PTPRR: variants seen among roughly 807,000 people sequenced by gnomAD.
PTPRR encodes the protein receptor-type tyrosine-protein phosphatase R.
A neutral mutation model predicts 77.2 loss-of-function variants in PTPRR; 38 were observed. The ratio of observed to expected loss-of-function variants is 0.49; its 90% CI spans 0.38 to 0.65. The LOEUF is 0.65. Among genes scored for constraint, PTPRR ranks in the 30% least tolerant of loss-of-function variants. PTPRR has a pLI of 0.00. For missense variants in PTPRR, 744 were observed against 799.2 expected, an observed-to-expected ratio of 0.93 and a Z score of 0.83; for synonymous variants, 299 against 283.1, an observed-to-expected ratio of 1.06 and a Z score of -0.57.
intron 2 of PTPRR, chr12:70,789,110 T>A (rs1299006054): frequency 2.3e-6 from 1 of 432,802 alleles, no homozygotes; most frequent in Non-Finnish European, 4.1e-6. Flanking sequence ...TCCATGGGAA[T>A]TAGCAAAACT....
intron 2 of PTPRR, among the ~76,000 whole-genome samples, chr12:70,854,474 G>A (rs1217713138): frequency 6.6e-6 from 1 of 152,222 alleles, no homozygotes; most frequent in Non-Finnish European, 1.5e-5. Flanking sequence ...AGTCTTCTGT[G>A]TCCAAAGAGG....
intron 13 of PTPRR, among the ~76,000 whole-genome samples, chr12:70,653,531 T>C (rs1016138331): frequency 2.8e-4 from 42 of 152,056 alleles, no homozygotes; most frequent in African/African-American, 9.7e-4. Context: ...ACATTTCAGG[T>C]TTAATGTCAT....
chr12:70,706,643 A>C (rs1244483198), intron 6 of PTPRR, among the ~76,000 whole-genome samples: 1 of 152,078 alleles, frequency 6.6e-6, no homozygotes, highest in South Asian at 2.1e-4. Context: ...AAGATGTCTG[A>C]CCTTTTATAT....
chr12:70,656,317 G>C (rs1201802912), intron 13 of PTPRR, among the ~76,000 whole-genome samples: 1 of 152,152 alleles, frequency 6.6e-6, no homozygotes, highest in Admixed American at 6.5e-5. Context: ...TTCACTTGTG[G>C]TCAGGAGTTG....
Position 70,638,690 on chromosome 12 carries a change from C to G in PTPRR, c.*494G>C, listed in dbSNP as rs1349488920. The G allele has an allele frequency of 6.6e-6, 1 of 152,348 alleles. No homozygotes were observed. The highest frequency in any genetic ancestry group is 1.9e-4 in the East Asian group (1 of 5,192). The allele number at this position is 152,348 out of a possible 1,614,324, so 9.4% of individuals were successfully genotyped here. ...AAAATCCATTATCAATCACTTGCAACTTTAGCAGCAAGATTCTGGTAACTG... is the reference window on the plus strand; with the variant it reads ...AAAATCCATTATCAATCACTTGCAAGTTTAGCAGCAAGATTCTGGTAACTG... On this transcript the variant is annotated 3_prime_UTR_variant, in exon 14 of 14. Coordinates refer to ENST00000283228, the MANE Select transcript of PTPRR (RefSeq NM_002849.4).
At chr12:70,889,241 T>C (rs1344632763) in intron 2 of PTPRR, among the ~76,000 whole-genome samples, 1 of 152,202 alleles carries the variant, frequency 6.6e-6, no homozygotes, top group Non-Finnish European at 1.5e-5. Flanking sequence ...CCAATTTGTC[T>C]ATTGAAAAAG....
chr12:70,821,388 C>G (rs543566761), intron 2 of PTPRR, among the ~76,000 whole-genome samples: 49 of 151,506 alleles, frequency 3.2e-4, no homozygotes, highest in African/African-American at 1.2e-3. Flanking sequence ...CCACGCCCAG[C>G]TAATTTTTTT....
intron 2 of PTPRR, among the ~76,000 whole-genome samples, chr12:70,830,428 CA>C (rs1483534460): frequency 1.3e-5 from 2 of 152,074 alleles, no homozygotes; most frequent in Non-Finnish European, 2.9e-5. Flanking sequence ...AAAGGCAGGG[CA>C]AAGGAGTATG....
At position 70,677,107 on chromosome 12, in the gene PTPRR, A is replaced by C. The variant is rs1592662951; in HGVS notation, c.1497+7020T>G. ...ACAATTTCCTTCATCAATGATTTATAGTTTTCAGTATAAAAGATATTTCAC... is the reference window on the plus strand; with the variant it reads ...ACAATTTCCTTCATCAATGATTTATCGTTTTCAGTATAAAAGATATTTCAC... On this transcript the variant is annotated intron_variant, in intron 10 of 13. Transcript: ENST00000283228. 3.3e-5 allele frequency among the ~76,000 whole-genome samples: 5 copies of C among 152,192 alleles called. 1 individual carries two copies. The highest frequency in any genetic ancestry group is 3.3e-4 in the Admixed American group (5 of 15,290).
intron 1 of PTPRR, among the ~76,000 whole-genome samples, chr12:70,905,186 A>G (rs1893602757): frequency 6.6e-6 from 1 of 151,674 alleles, no homozygotes; most frequent in Non-Finnish European, 1.5e-5. Flanking sequence ...TAGGGATGTT[A>G]ATGGGTTTGG....
intron 8 of PTPRR, among the ~76,000 whole-genome samples, chr12:70,694,148 T>C (rs1373172986): frequency 6.6e-6 from 1 of 152,232 alleles, no homozygotes; most frequent in Non-Finnish European, 1.5e-5. Context: ...GTTGCTTTAA[T>C]GAGTGGTTCA....
At chr12:70,899,274 A>AC (rs1396795388) in intron 1 of PTPRR, among the ~76,000 whole-genome samples, 2 of 151,468 alleles carry the variant, frequency 1.3e-5, no homozygotes, top group African/African-American at 2.4e-5. Context: ...CTAAAAAAAA[A>AC]CACTATAGAC....
At chr12:70,780,431 T>C (rs1320608628) in intron 2 of PTPRR, among the ~76,000 whole-genome samples, 1 of 152,168 alleles carries the variant, frequency 6.6e-6, no homozygotes, top group East Asian at 1.9e-4. Context: ...ATATAGTTAA[T>C]GCATATGATA....
At chr12:70,871,055 A>G (rs768572689) in intron 2 of PTPRR, among the ~76,000 whole-genome samples, 1 of 152,218 alleles carries the variant, frequency 6.6e-6, no homozygotes, top group Non-Finnish European at 1.5e-5. Context: ...CTCAGGAGCC[A>G]GGAAGGAAGG....
Position 70,796,276 on chromosome 12 carries a change from A to G in PTPRR, c.358-31498T>C, listed in dbSNP as rs895395987. ...AATCTGTCTTCCATTTCATTTGACT[A>G]CCCTGACATAGGCACAATAAAAGTG... On this transcript the variant is annotated intron_variant, in intron 2 of 13. Transcript: ENST00000283228. Among the ~76,000 whole-genome samples the G allele has an allele frequency of 6.2e-4, 94 of 151,694 alleles. 1 individual carries two copies. The highest frequency in any genetic ancestry group is 1.9e-3 in the African/African-American group (80 of 41,328).
chr12:70,805,551 G>C (rs1178453257), intron 2 of PTPRR, among the ~76,000 whole-genome samples: 1 of 152,106 alleles, frequency 6.6e-6, no homozygotes, highest in Admixed American at 6.6e-5. Context: ...TGCAGAGATA[G>C]AGTCTGCCTA....
At chr12:70,758,156 T>C (rs1890605547) in intron 4 of PTPRR, among the ~76,000 whole-genome samples, 1 of 152,258 alleles carries the variant, frequency 6.6e-6, no homozygotes, top group Non-Finnish European at 1.5e-5. Context: ...ATTCAAATAC[T>C]TCCTCATCTT....
At chr12:70,872,231 A>G (rs1247160775) in intron 2 of PTPRR, among the ~76,000 whole-genome samples, 2 of 152,138 alleles carry the variant, frequency 1.3e-5, no homozygotes, top group East Asian at 1.9e-4. Flanking sequence ...TTGTATTTCT[A>G]TAGAAGATCA....
chr12:70,905,097 G>C, intron 1 of PTPRR, among the ~76,000 whole-genome samples: 1 of 151,750 alleles, frequency 6.6e-6, no homozygotes, highest in East Asian at 1.9e-4. Context: ...GAGGAGAGAG[G>C]ACCCAGAGTA....
Sources: allele counts gnomAD v4.1 joint callset (sites outside exome capture counted in the v4.1 genomes callset), GRCh38; gene constraint gnomAD v4.1.1; transcripts MANE v1.5; gene names NCBI Gene and HGNC (gene_info 2026-07-23, HGNC 2026-07-21).